Variants in PRDM6 observed in about 807,000 individuals in gnomAD.
PRDM6 encodes PR/SET domain 6.
A neutral mutation model predicts 60.8 loss-of-function variants in PRDM6; 25 were observed. The ratio of observed to expected loss-of-function variants is 0.41; its 90% CI spans 0.30 to 0.57. PRDM6 has a LOEUF of 0.57. PRDM6 is among the 20% of genes least tolerant of loss of function. PRDM6 has a pLI of 0.27. For synonymous variants in PRDM6, 407 were observed against 357.4 expected (o/e 1.14, Z -1.57); for missense variants, 839 against 821.3 (o/e 1.02, Z -0.26).
intron 2 of PRDM6, among the ~76,000 whole-genome samples, chr5:123,092,318 T>C (rs1763859174): frequency 6.6e-6 from 1 of 152,238 alleles, no homozygotes; most frequent in Admixed American, 6.5e-5. Flanking sequence ...AAGTGAAATA[T>C]AGCCATTGCA....
At chr5:123,090,765 T>A (rs968193818) in intron 2 of PRDM6, among the ~76,000 whole-genome samples, 159 bp downstream of exon 2, 25 of 152,228 alleles carry the variant, frequency 1.6e-4, no homozygotes, top group Middle Eastern at 3.4e-3. Flanking sequence ...CCCCGATCTC[T>A]GTGACAAAAG....
At chr5:123,114,588 A>T (rs1764391884) in intron 3 of PRDM6, among the ~76,000 whole-genome samples, 2 of 152,232 alleles carry the variant, frequency 1.3e-5, no homozygotes. Context: ...TAATTTTTTT[A>T]AATGTAGAAT....
chr5:123,096,076 C>G (rs149666897), intron 2 of PRDM6, among the ~76,000 whole-genome samples: 689 of 4,464 alleles, frequency 0.15, 2 homozygotes, highest in African/African-American at 0.31. Flanking sequence ...AATGACAGCA[C>G]CTTCCTTTAC....
At chr5:123,101,202 A>AT (rs1304950938) in intron 3 of PRDM6, among the ~76,000 whole-genome samples, 2 of 152,180 alleles carry the variant, frequency 1.3e-5, no homozygotes, top group Admixed American at 1.3e-4. Flanking sequence ...ATATTAGGCC[A>AT]TGGAGATACA....
intron 3 of PRDM6, among the ~76,000 whole-genome samples, chr5:123,117,891 G>C (rs335181): frequency 0.2 from 30,457 of 152,240 alleles, 3,466 homozygotes; most frequent in South Asian, 0.37. Context: ...AATGTGATAG[G>C]GGTGAGCCAT....
At chr5:123,160,275 C>G (rs1287186416) in intron 5 of PRDM6, among the ~76,000 whole-genome samples, 1 of 152,194 alleles carries the variant, frequency 6.6e-6, no homozygotes, top group Non-Finnish European at 1.5e-5. Flanking sequence ...AACATCTAGG[C>G]AAATGTGAAC....
At chr5:123,126,012 G>T (rs955062310) in intron 3 of PRDM6, among the ~76,000 whole-genome samples, 23 of 152,108 alleles carry the variant, frequency 1.5e-4, no homozygotes, top group Non-Finnish European at 2.9e-4. Flanking sequence ...GGGTGGGTTG[G>T]GGGGAGGGGA....
chr5:123,093,798 G>C (rs1349316949), intron 2 of PRDM6, among the ~76,000 whole-genome samples: 1 of 152,154 alleles, frequency 6.6e-6, no homozygotes, highest in African/African-American at 2.4e-5. Flanking sequence ...CACAGGGCGC[G>C]CCTGGCGTTT....
rs750840931 is a variant in PRDM6, at chr5:123,099,685, C to T, written c.624C>T (p.Gly208=). ...ACATGTGCGCGGACAACCGCAACGGCGAGTGCCCTATGCATGGGCCACTGC... is the reference window on the plus strand; with the variant it reads ...ACATGTGCGCGGACAACCGCAACGGTGAGTGCCCTATGCATGGGCCACTGC... The part of the protein sequence containing the change: ...RCDMCADNRN[G]ECPMHGPLHS... The change falls in exon 3 of 8, where the codon GGC becomes GGT. Residue 208 remains glycine, a synonymous_variant. Coordinates refer to ENST00000407847, the MANE Select transcript of PRDM6 (RefSeq NM_001136239.4). This position sits in a 1 kb window ranked among gnomAD's most constrained non-coding sequence, Gnocchi z 4.0. 5 of 1,485,362 alleles carry T rather than the reference C, an allele frequency of 3.4e-6. No homozygotes were observed. Among genetic ancestry groups the T allele is most frequent in the Non-Finnish European group, 4.5e-6 (5 of 1,115,384 alleles). 92.0% of individuals were successfully genotyped at this position (1,485,362 alleles called of 1,614,324 possible).
Position 123,187,166 on chromosome 5 carries a change from A to G in PRDM6, c.1753A>G (p.Ile585Val), listed in dbSNP as rs1204240757. 3.9e-6 allele frequency: 6 copies of G among 1,551,536 alleles called. No individual in the cohort carries two copies. The highest frequency in any genetic ancestry group is 5.2e-6 in the Non-Finnish European group (6 of 1,146,864). Residue 585 changes from isoleucine to valine, a missense_variant, in exon 8 of 8, where the codon ATA (isoleucine) becomes GTA (valine). By Grantham distance (29) the Ile-to-Val change is conservative (BLOSUM62 3). Transcript: ENST00000407847. Reference sequence around the variant, plus strand: ...GCGGATGCCCAATGAGTGCAAGCCAATAACTGAGAGCCCAGAATCAATCGA... The same window carrying G: ...GCGGATGCCCAATGAGTGCAAGCCAGTAACTGAGAGCCCAGAATCAATCGA... Reference protein sequence around the residue: ...HQRMPNECKPITESPESIEVD With the variant: ...HQRMPNECKPVTESPESIEVD
At chr5:123,169,923 A>G (rs561930976) in intron 5 of PRDM6, among the ~76,000 whole-genome samples, 1 of 152,268 alleles carries the variant, frequency 6.6e-6, no homozygotes, top group Admixed American at 6.5e-5. Context: ...CCGAGTCACA[A>G]GCACCACACT....
intron 3 of PRDM6, 36 bp from the exon 4 acceptor site, chr5:123,155,848 C>G (rs556256933): frequency 4.5e-6 from 7 of 1,539,158 alleles, no homozygotes; most frequent in Non-Finnish European, 5.3e-6. Flanking sequence ...GCTGATGATT[C>G]GTTCTAACTA....
In PRDM6 at chr5:123,099,822, C is replaced by T; in HGVS notation, c.761C>T (p.Thr254Ile). 1 of 1,550,462 alleles carries T rather than the reference C, an allele frequency of 6.4e-7. No individual in the cohort carries two copies. The highest frequency in any genetic ancestry group is 8.7e-7 in the Non-Finnish European group (1 of 1,146,840). ...LPREVCLCTS[T>I]VPGLAYGICA... ...CGCGAGGTGTGCCTCTGCACCAGTA[C>T]TGTGCCCGGCCTGGCCTACGGCATC... The change falls in exon 3 of 8, where the codon ACT becomes ATT. Residue 254 changes from threonine to isoleucine, a missense_variant. Thr to Ile is a moderately conservative substitution (Grantham distance 89, BLOSUM62 -1). This residue lies in a region of PRDM6 where 730 missense variants were observed against 648.8 expected (regional missense o/e 1.13). Transcript: ENST00000407847. This position sits in a 1 kb window ranked among gnomAD's most constrained non-coding sequence, Gnocchi z 4.0.
chr5:123,131,318 A>G (rs992226281), intron 3 of PRDM6, among the ~76,000 whole-genome samples: 2 of 152,216 alleles, frequency 1.3e-5, no homozygotes, highest in African/African-American at 4.8e-5. Flanking sequence ...CAAAATAGCC[A>G]GAAGAGTAGG....
intron 4 of PRDM6, 105 bp from the exon 5 acceptor site, chr5:123,159,409 T>C (rs1186150834): frequency 3.1e-5 from 39 of 1,258,122 alleles, no homozygotes; most frequent in Admixed American, 1.1e-4. Context: ...AAACAGAAAC[T>C]GTTTAGATGG....
chr5:123,178,039 A>G (rs1561883559), intron 6 of PRDM6, among the ~76,000 whole-genome samples: 2 of 152,002 alleles, frequency 1.3e-5, no homozygotes, highest in African/African-American at 4.8e-5. Context: ...TTTGCCTTCC[A>G]TTGGCGTTAC....
At chr5:123,095,678 G>C (rs969171687) in intron 2 of PRDM6, among the ~76,000 whole-genome samples, 1 of 152,254 alleles carries the variant, frequency 6.6e-6, no homozygotes, top group African/African-American at 2.4e-5. Flanking sequence ...GCGCCCAGGC[G>C]GGGAAGCAGG....
intron 3 of PRDM6, among the ~76,000 whole-genome samples, chr5:123,135,475 C>A (rs1764933112): frequency 6.6e-6 from 1 of 152,108 alleles, no homozygotes; most frequent in South Asian, 2.1e-4. Flanking sequence ...TGTGCATGTC[C>A]AAGGGCTGAG....
chr5:123,104,436 G>T (rs560661991), intron 3 of PRDM6, among the ~76,000 whole-genome samples: 1 of 151,548 alleles, frequency 6.6e-6, no homozygotes, highest in Non-Finnish European at 1.5e-5. Flanking sequence ...AAAAGTTGTC[G>T]CAGTGATAGT....
Sources: allele counts gnomAD v4.1 joint callset (sites outside exome capture counted in the v4.1 genomes callset), GRCh38; gene constraint gnomAD v4.1.1; regional missense constraint gnomAD v4.1.1; non-coding constraint Gnocchi (gnomAD v3.1); transcripts MANE v1.5; gene names NCBI Gene and HGNC (gene_info 2026-07-23, HGNC 2026-07-21).